SIGLEC6: variants seen among roughly 807,000 people sequenced by gnomAD.
The protein encoded by SIGLEC6 is sialic acid-binding Ig-like lectin 6.
In SIGLEC6, 31 loss-of-function variants were observed where a neutral mutation model predicts 41.4. The observed-to-expected ratio is 0.75, with a 90% CI of 0.56 to 1.01. The LOEUF (loss-of-function observed/expected upper bound fraction) is 1.01, where lower values mean the gene tolerates loss of function less well. SIGLEC6 is among the 50% of genes least tolerant of loss of function. The pLI is 0.00. For missense variants in SIGLEC6, 555 were observed against 558.6 expected, an observed-to-expected ratio of 0.99 and a Z score of 0.06; for synonymous variants, 217 against 231.0, an observed-to-expected ratio of 0.94 and a Z score of 0.55.
At chr19:51,531,558 G>A in intron 1 of SIGLEC6, 24 bp downstream of exon 1, 1 of 1,613,950 alleles carries the variant, frequency 6.2e-7, no homozygotes, top group Non-Finnish European at 8.5e-7. Flanking sequence ...CAGCCCCACG[G>A]CACCTCTCCC....
At position 51,531,264 on chromosome 19, in the gene SIGLEC6, AT is replaced by A. The variant is rs761193670; in HGVS notation, c.322del (p.Ile108SerfsTer16). On this transcript the variant is annotated frameshift_variant, in exon 2 of 8. Coordinates refer to ENST00000425629, the MANE Select transcript of SIGLEC6 (RefSeq NM_001245.7). LOFTEE classifies it high-confidence loss of function. Reference sequence around the variant, plus strand: ...ATTGTCCCTCCTCCGGGCATCTCTGATGCTCAGGGAGCAGTTCTTCCTTCTG... The same window carrying A: ...ATTGTCCCTCCTCCGGGCATCTCTGAGCTCAGGGAGCAGTTCTTCCTTCTG... Reference protein sequence around the residue: ...DPRRKNCSLSIRDARRRDNAA... With the variant: ...DPRRKNCSLSXRDARRRDNAA... 6.2e-6 allele frequency: 10 copies of A among 1,614,004 alleles called. No homozygotes were observed. In the African/African-American group the frequency reaches 1.2e-4, roughly 19 times the overall value.
chr19:51,527,269 G>C (rs1418572426), intron 7 of SIGLEC6, among the ~76,000 whole-genome samples: 6 of 152,102 alleles, frequency 3.9e-5, no homozygotes, highest in Non-Finnish European at 8.8e-5. Flanking sequence ...CAATGCCAAA[G>C]AAAAAATATT....
rs1166282254 is a variant in SIGLEC6 at position 51,518,997 on chromosome 19, T to C, written c.*1085A>G. ...AGAAATTGCCAGCAGAAACCGTCTG[T>C]TAAAACAGCTAATCAAAGCCGGGTG... On this transcript the variant is annotated 3_prime_UTR_variant, in exon 8 of 8. Coordinates refer to ENST00000425629, the MANE Select transcript of SIGLEC6 (RefSeq NM_001245.7). Among the ~76,000 whole-genome samples the C allele has an allele frequency of 6.6e-6, 1 of 152,110 alleles. No homozygotes were observed. The highest frequency in any genetic ancestry group is 1.5e-5 in the Non-Finnish European group (1 of 68,024).
intron 5 of SIGLEC6, chr19:51,528,487 A>T (rs1219021026): frequency 1.8e-6 from 1 of 564,250 alleles, no homozygotes; most frequent in Non-Finnish European, 3.2e-6. Context: ...CCTTGGAAAC[A>T]TCTTCTCCAA....
At chr19:51,529,443 C>T (rs956489997) in intron 5 of SIGLEC6, 2 of 462,800 alleles carry the variant, frequency 4.3e-6, no homozygotes, top group Non-Finnish European at 7.9e-6. Flanking sequence ...GAATCCCTGG[C>T]AGGGGCTCAG....
In SIGLEC6 at chr19:51,527,771, G is replaced by T; in HGVS notation, c.1164C>A (p.Asn388Lys). 6.2e-7 allele frequency: 1 copy of T among 1,613,996 alleles called. No individual in the cohort carries two copies. The highest frequency in any genetic ancestry group is 8.5e-7 in the Non-Finnish European group (1 of 1,179,970). ...CCCTGGAGCCTGAGACCATGACGGG[G>T]TTCACATCATCCGTGTTTTGCACTG... The part of the protein sequence containing the change: ...AQPVQNTDDV[N>K]PVMVSGSRGH... The change falls in exon 7 of 8, where the codon AAC (asparagine) becomes AAA (lysine). Residue 388 changes from asparagine (N) to lysine (K), a missense_variant. Asn to Lys is a moderately conservative substitution (Grantham distance 94). Transcript: ENST00000425629.
At chr19:51,528,402 C>T in intron 5 of SIGLEC6, 149 bp from the exon 6 acceptor site, 1 of 665,468 alleles carries the variant, frequency 1.5e-6, no homozygotes, top group East Asian at 2.7e-5. Context: ...GAACCAGCCT[C>T]TTCTCTCTCC....
In SIGLEC6 at chr19:51,518,817, G is replaced by A. The variant is rs1470454523; in HGVS notation, c.*1265C>T. Among the ~76,000 whole-genome samples the A allele has an allele frequency of 1.3e-5, 2 of 152,150 alleles. No homozygotes were observed. Among genetic ancestry groups the A allele is most frequent in the East Asian group, 3.9e-4 (2 of 5,194 alleles). On this transcript the variant is annotated 3_prime_UTR_variant, in exon 8 of 8. Transcript: ENST00000425629. ...TTGGTGACTGGTGAGGAATTGATCT[G>A]GGGAAATCTGGATGGACAAGATCAT...
Position 51,520,027 on chromosome 19 carries a change from T to C in SIGLEC6, c.*55A>G, listed in dbSNP as rs1351141103. 7.0e-6 allele frequency: 10 copies of C among 1,436,454 alleles called. No individual in the cohort carries two copies. In the South Asian group the frequency reaches 9.4e-5, roughly 13 times the overall value. 89.0% of individuals were successfully genotyped at this position (1,436,454 alleles called of 1,614,324 possible). A position where few individuals can be genotyped will look rare whatever the true frequency, so the allele number is the denominator to read the frequency against. On this transcript the variant is annotated 3_prime_UTR_variant, in exon 8 of 8. Transcript: ENST00000425629. ...TTGCTGTGGCAGCCCTAGTAACCAATACACTGAGAGGTACCATGTTCTCTC... is the reference window on the plus strand; with the variant it reads ...TTGCTGTGGCAGCCCTAGTAACCAACACACTGAGAGGTACCATGTTCTCTC...
chr19:51,531,285 C>T lies in SIGLEC6; in HGVS notation c.302G>A (p.Arg101Lys), dbSNP rs758331771. Residue 101 changes from arginine (R) to lysine (K), a missense_variant, in exon 2 of 8, where the codon AGG becomes AAG. By Grantham distance (26) the Arg-to-Lys change is conservative. Transcript: ENST00000425629. Reference sequence around the variant, plus strand: ...TCTGATGCTCAGGGAGCAGTTCTTCCTTCTGGGATCCCAGAGGAGGTGGAA... The same window carrying T: ...TCTGATGCTCAGGGAGCAGTTCTTCTTTCTGGGATCCCAGAGGAGGTGGAA... ...GRFHLLWDPR[R>K]KNCSLSIRDA... The T allele has an allele frequency of 1.2e-6, 2 of 1,614,192 alleles. No homozygotes were observed. Among genetic ancestry groups the T allele is most frequent in the Admixed American group, 3.3e-5 (2 of 60,020 alleles).
chr19:51,531,494 G>C lies in SIGLEC6; in HGVS notation c.93C>G (p.Phe31Leu). 6.2e-7 allele frequency: 1 copy of C among 1,613,808 alleles called. No individual in the cohort carries two copies. The highest frequency in any genetic ancestry group is 1.1e-5 in the South Asian group (1 of 91,074). ...WAGALAQERR[F>L]QLEGPESLTV... ...TCAGTGACTCTGGCCCCTCCAGCTGGAATCTCCGCTCCTGAGCCAGGGCCC... is the reference window on the plus strand; with the variant it reads ...TCAGTGACTCTGGCCCCTCCAGCTGCAATCTCCGCTCCTGAGCCAGGGCCC... The change falls in exon 2 of 8, where the codon TTC (phenylalanine) becomes TTG (leucine). Residue 31 changes from phenylalanine to leucine, a missense_variant. Physicochemically the swap from Phe to Leu is conservative, Grantham distance 22. Transcript: ENST00000425629.
At position 51,520,021 on chromosome 19, in the gene SIGLEC6, A is replaced by G; in HGVS notation, c.*61T>C. ...GGTACATTGCTGTGGCAGCCCTAGT[A>G]ACCAATACACTGAGAGGTACCATGT... On this transcript the variant is annotated 3_prime_UTR_variant, in exon 8 of 8. Transcript: ENST00000425629. 3 of 1,389,734 alleles carry G rather than the reference A, an allele frequency of 2.2e-6. No homozygotes were observed. Among genetic ancestry groups the G allele is most frequent in the African/African-American group, 1.4e-5 (1 of 70,852 alleles). 86.1% of individuals were successfully genotyped at this position (1,389,734 alleles called of 1,614,324 possible).
At chr19:51,524,093 ATATAAATATAAAGCAGAGC>A in intron 7 of SIGLEC6, among the ~76,000 whole-genome samples, 3 of 152,366 alleles carry the variant, frequency 2.0e-5, no homozygotes, top group African/African-American at 7.2e-5. Context: ...AAAAGGACAA[ATATAAATATAAAGCAGAGC>A]AATCTGGTAG....
rs1416146041 is a variant in SIGLEC6 at position 51,518,543 on chromosome 19, T to G, written c.*1539A>C. 6.6e-6 allele frequency among the ~76,000 whole-genome samples: 1 copy of G among 152,196 alleles called. No homozygotes were observed. The highest frequency in any genetic ancestry group is 2.4e-5 in the African/African-American group (1 of 41,444). On this transcript the variant is annotated 3_prime_UTR_variant, in exon 8 of 8. Transcript: ENST00000425629. Reference sequence around the variant, plus strand: ...TTAGTAGAGATGGGGTTTCACCATGTTGGCCAGACCAGTCTCGAACTCCTG... The same window carrying G: ...TTAGTAGAGATGGGGTTTCACCATGGTGGCCAGACCAGTCTCGAACTCCTG...
chr19:51,521,099 A>G (rs1269058358), intron 7 of SIGLEC6, among the ~76,000 whole-genome samples: 3 of 152,234 alleles, frequency 2.0e-5, no homozygotes, highest in Non-Finnish European at 4.4e-5. Flanking sequence ...CTAGACAGGT[A>G]CTGGAGGACA....
At chr19:51,528,713 T>C (rs771712211) in intron 5 of SIGLEC6, among the ~76,000 whole-genome samples, 56 of 152,166 alleles carry the variant, frequency 3.7e-4, no homozygotes, top group Non-Finnish European at 6.6e-4. Flanking sequence ...TCGGGTGCAG[T>C]GGTTCACACC....
At chr19:51,524,159 T>C (rs1978798565) in intron 7 of SIGLEC6, among the ~76,000 whole-genome samples, 2 of 152,180 alleles carry the variant, frequency 1.3e-5, no homozygotes, top group Non-Finnish European at 2.9e-5. Context: ...ACATTAAATA[T>C]AAATGGTCTA....
At chr19:51,522,934 G>A (rs1481186031) in intron 7 of SIGLEC6, among the ~76,000 whole-genome samples, 2 of 152,298 alleles carry the variant, frequency 1.3e-5, no homozygotes, top group Admixed American at 6.5e-5. Flanking sequence ...CCATGAGTTT[G>A]AGACCAGCCT....
intron 7 of SIGLEC6, among the ~76,000 whole-genome samples, chr19:51,522,527 G>A (rs1247833031): frequency 6.6e-6 from 1 of 152,208 alleles, no homozygotes; most frequent in Non-Finnish European, 1.5e-5. Context: ...GTTCATGCCT[G>A]TAATCCCAGA....
Sources: gnomAD v4.1 joint callset for allele counts (sites outside exome capture counted in the v4.1 genomes callset) on GRCh38, gnomAD v4.1.1 for gene constraint, MANE v1.5 for transcripts, NCBI Gene and HGNC (gene_info 2026-07-23, HGNC 2026-07-21) for gene names.